The following CLIC5 variants were observed in gnomAD, a reference collection of about 807,000 sequenced individuals.
CLIC5 encodes chloride intracellular channel protein 5.
A neutral mutation model predicts 24.7 loss-of-function variants in CLIC5; 20 were observed. The ratio of observed to expected loss-of-function variants is 0.81; its 90% CI spans 0.57 to 1.18. The LOEUF (loss-of-function observed/expected upper bound fraction) is 1.18, where lower values mean the gene tolerates loss of function less well. Among genes scored for constraint, CLIC5 ranks in the 50% most tolerant of loss-of-function variants. CLIC5 has a pLI of 0.00. For synonymous variants in CLIC5, 159 were observed against 135.6 expected (o/e 1.17, Z -1.20); for missense variants, 341 against 326.1 (o/e 1.05, Z -0.35).
intron 1 of CLIC5, among the ~76,000 whole-genome samples, chr6:46,060,898 C>A (rs1444880370): frequency 1.3e-5 from 2 of 152,202 alleles, no homozygotes; most frequent in Non-Finnish European, 2.9e-5. Flanking sequence ...TGTTGTGAAT[C>A]CTTCTTCCTG....
chr6:45,975,110 A>C (rs754946670), intron 1 of CLIC5, among the ~76,000 whole-genome samples: 2 of 152,210 alleles, frequency 1.3e-5, no homozygotes, highest in Non-Finnish European at 2.9e-5. Context: ...AAAAAGAAAG[A>C]ATATATGAAG....
chr6:45,906,176 G>T (rs1055965601), intron 5 of CLIC5, among the ~76,000 whole-genome samples: 12 of 152,090 alleles, frequency 7.9e-5, no homozygotes, highest in African/African-American at 2.7e-4. Context: ...TTTGCGTAGG[G>T]TGGCTTTGGC....
chr6:46,102,769 G>C, the CLIC5 span: 2 of 152,264 alleles, frequency 1.3e-5, no homozygotes, highest in Non-Finnish European at 2.9e-5. Context: ...AGCATACAAA[G>C]GGTGAGTGCT....
intron 1 of CLIC5, among the ~76,000 whole-genome samples, chr6:46,042,292 CTT>C (rs1424342470): frequency 3.3e-5 from 5 of 152,096 alleles, no homozygotes; most frequent in Admixed American, 1.3e-4. Context: ...CAATAACAAA[CTT>C]ATCTTTGAAA....
chr6:46,043,136 T>C (rs1767857065), intron 1 of CLIC5, among the ~76,000 whole-genome samples: 1 of 152,206 alleles, frequency 6.6e-6, no homozygotes, highest in Non-Finnish European at 1.5e-5. Flanking sequence ...CAGAGTTGGT[T>C]GCAGTTACTA....
intron 1 of CLIC5, among the ~76,000 whole-genome samples, chr6:46,000,690 C>T (rs1766322549): frequency 6.6e-6 from 1 of 152,114 alleles, no homozygotes. Flanking sequence ...GAATGACTGC[C>T]AGCAGGGGAA....
Position 45,941,536 on chromosome 6 carries a change from G to A in CLIC5, c.406+11C>T, listed in dbSNP as rs779845602. 15 of 1,595,102 alleles carry A rather than the reference G, an allele frequency of 9.4e-6. No individual in the cohort carries two copies. The East Asian group carries it at 2.7e-4, about 28-fold the overall frequency. On this transcript the variant is annotated intron_variant, in intron 4 of 5. Transcript: ENST00000339561. ...ACTGCCAAGGGTTCTTGGTGGAAGG[G>A]AGTCACTCACCAGCATTGTTCTGCT...
chr6:45,950,675 C>A (rs1282595576), intron 2 of CLIC5, among the ~76,000 whole-genome samples: 1 of 152,138 alleles, frequency 6.6e-6, no homozygotes, highest in Admixed American at 6.5e-5. Flanking sequence ...GTAAAAACTT[C>A]AATCCAGTTA....
intron 1 of CLIC5, among the ~76,000 whole-genome samples, chr6:46,048,666 T>C (rs1768021845): frequency 6.6e-6 from 1 of 152,102 alleles, no homozygotes. Flanking sequence ...ACCTCAGCCC[T>C]GATCAGAGCC....
chr6:46,007,103 T>A (rs536668929), intron 1 of CLIC5, among the ~76,000 whole-genome samples: 11 of 152,328 alleles, frequency 7.2e-5, no homozygotes, highest in Middle Eastern at 3.4e-3. Context: ...TGAGCCCCTG[T>A]GATCCTCAGC....
At chr6:45,943,367 C>T (rs923872829) in intron 3 of CLIC5, among the ~76,000 whole-genome samples, 21 of 150,850 alleles carry the variant, frequency 1.4e-4, no homozygotes, top group Non-Finnish European at 3.0e-4. Flanking sequence ...TGCACCGATG[C>T]TCCACACACA....
intron 1 of CLIC5, among the ~76,000 whole-genome samples, chr6:45,956,418 C>T (rs867101873): frequency 6.6e-6 from 1 of 151,222 alleles, no homozygotes; most frequent in South Asian, 2.1e-4. Flanking sequence ...ACTGAAGACT[C>T]GTACAAAGCT....
chr6:45,995,037 T>G (rs900993718), intron 1 of CLIC5, among the ~76,000 whole-genome samples: 2 of 152,072 alleles, frequency 1.3e-5, no homozygotes, highest in Non-Finnish European at 2.9e-5. Flanking sequence ...GAAGAAAGAA[T>G]TAAAGAAAGA....
chr6:46,087,391 A>G, the CLIC5 span, among the ~76,000 whole-genome samples: 30 of 152,254 alleles, frequency 2.0e-4, 1 homozygote, highest in East Asian at 5.6e-3. Flanking sequence ...AAACACCACC[A>G]TTACACCAAA....
the CLIC5 span, among the ~76,000 whole-genome samples, chr6:46,123,355 A>T: frequency 6.6e-6 from 1 of 152,250 alleles, no homozygotes; most frequent in African/African-American, 2.4e-5. Context: ...CAATAGATGC[A>T]GAAAAGGCCT....
At chr6:45,920,983 G>A (rs1343554549) in intron 4 of CLIC5, among the ~76,000 whole-genome samples, 1 of 152,278 alleles carries the variant, frequency 6.6e-6, no homozygotes, top group East Asian at 1.9e-4. Flanking sequence ...CATCTTTCAG[G>A]TTTTAGAAAT....
the CLIC5 span, among the ~76,000 whole-genome samples, chr6:46,108,053 A>C: frequency 2.0e-5 from 3 of 151,006 alleles, no homozygotes; most frequent in Admixed American, 2.0e-4. Context: ...AAAAAAAAAA[A>C]AAACCTCAAT....
At chr6:45,938,397 G>A (rs1764014723) in intron 4 of CLIC5, among the ~76,000 whole-genome samples, 1 of 152,222 alleles carries the variant, frequency 6.6e-6, no homozygotes, top group Admixed American at 6.5e-5. Flanking sequence ...GTATTGGGTG[G>A]GAGGAAGGAC....
At chr6:46,085,066 T>C (rs1217961060), upstream of CLIC5, among the ~76,000 whole-genome samples, 2 of 152,228 alleles carry the variant, frequency 1.3e-5, no homozygotes, top group African/African-American at 4.8e-5. Context: ...TTGATCGCAT[T>C]GGCTCCTGAG....
Sources: gnomAD v4.1 joint callset for allele counts (sites outside exome capture counted in the v4.1 genomes callset) on GRCh38, gnomAD v4.1.1 for gene constraint, MANE v1.5 for transcripts, NCBI Gene and HGNC (gene_info 2026-07-23, HGNC 2026-07-21) for gene names.